NRCAM: variants seen among roughly 807,000 people sequenced by gnomAD.
The protein encoded by NRCAM is NgCAM-related cell adhesion molecule.
NRCAM carries 83 observed loss-of-function variants against 156.5 expected under a neutral mutation model. That is an observed-to-expected ratio of 0.53 (90% CI 0.44 to 0.64). The LOEUF (loss-of-function observed/expected upper bound fraction) is 0.64. Among genes scored for constraint, NRCAM ranks in the 30% least tolerant of loss-of-function variants. NRCAM has a pLI of 0.00. For missense variants in NRCAM, 1,417 were observed against 1,597.3 expected, an observed-to-expected ratio of 0.89 and a Z score of 1.92; for synonymous variants, 538 against 563.9, an observed-to-expected ratio of 0.95 and a Z score of 0.65.
chr7:108,343,102 G>A (rs974562645), intron 2 of NRCAM, among the ~76,000 whole-genome samples: 5 of 152,280 alleles, frequency 3.3e-5, no homozygotes, highest in South Asian at 2.1e-4. Flanking sequence ...AAGTTCCTTC[G>A]TAGAAAAAGG....
intron 32 of NRCAM, among the ~76,000 whole-genome samples, chr7:108,151,682 C>T (rs2041736182): frequency 6.6e-6 from 1 of 152,126 alleles, no homozygotes; most frequent in Non-Finnish European, 1.5e-5. Context: ...TTGGGGTGGT[C>T]TGTGTTTGTG....
chr7:108,231,370 TCA>T (rs955140044), intron 7 of NRCAM, among the ~76,000 whole-genome samples: 2 of 152,284 alleles, frequency 1.3e-5, no homozygotes, highest in African/African-American at 4.8e-5. Context: ...GTATAAATTC[TCA>T]GTCAGTGATT....
At chr7:108,287,627 C>G (rs1234866714) in intron 3 of NRCAM, among the ~76,000 whole-genome samples, 2 of 148,274 alleles carry the variant, frequency 1.3e-5, no homozygotes, top group Non-Finnish European at 1.5e-5. Flanking sequence ...CCATTTGTGT[C>G]ATGACAATAA....
chr7:108,347,222 G>C (rs779166839), intron 2 of NRCAM, among the ~76,000 whole-genome samples: 1 of 151,954 alleles, frequency 6.6e-6, no homozygotes, highest in South Asian at 2.1e-4. Flanking sequence ...TATTTTTATA[G>C]AGATGGGATT....
intron 11 of NRCAM, among the ~76,000 whole-genome samples, chr7:108,212,050 C>T (rs546793521): frequency 2.6e-4 from 40 of 152,252 alleles, no homozygotes; most frequent in Admixed American, 5.9e-4. Flanking sequence ...GTGGAGAGGC[C>T]GATGGTTCAC....
intron 1 of NRCAM, among the ~76,000 whole-genome samples, chr7:108,440,548 C>A (rs1837381394): frequency 6.6e-6 from 1 of 152,178 alleles, no homozygotes; most frequent in South Asian, 2.1e-4. Context: ...TTGGGTTTTA[C>A]TCCTCTGTCA....
chr7:108,390,201 T>C (rs1330716743), intron 2 of NRCAM, among the ~76,000 whole-genome samples: 2 of 152,204 alleles, frequency 1.3e-5, no homozygotes, highest in Non-Finnish European at 2.9e-5. Context: ...TTTTGGTTGG[T>C]AGGCTATTAA....
chr7:108,400,998 G>A (rs572232419), intron 1 of NRCAM, among the ~76,000 whole-genome samples: 5 of 152,056 alleles, frequency 3.3e-5, no homozygotes, highest in South Asian at 4.2e-4. Context: ...AGTGGCTCAC[G>A]CCTGTAATCC....
intron 13 of NRCAM, among the ~76,000 whole-genome samples, chr7:108,199,255 T>G (rs566287104): frequency 4.1e-4 from 62 of 152,242 alleles, no homozygotes; most frequent in Non-Finnish European, 6.9e-4. Context: ...AAAAAAAAAT[T>G]TGTTTCATCT....
At chr7:108,300,464 A>C (rs2098581416) in intron 3 of NRCAM, among the ~76,000 whole-genome samples, 1 of 152,142 alleles carries the variant, frequency 6.6e-6, no homozygotes, top group South Asian at 2.1e-4. Context: ...TACACAAACA[A>C]ACAGAGAAGC....
intron 13 of NRCAM, among the ~76,000 whole-genome samples, chr7:108,199,514 A>T (rs758368544): frequency 2.0e-5 from 3 of 152,188 alleles, no homozygotes; most frequent in Non-Finnish European, 4.4e-5. Context: ...CGCTTTCTGA[A>T]GGTTCTAGGG....
At chr7:108,264,441 G>A (rs1563013047) in intron 3 of NRCAM, among the ~76,000 whole-genome samples, 3 of 152,264 alleles carry the variant, frequency 2.0e-5, no homozygotes, top group South Asian at 4.2e-4. Context: ...TGGGACTATG[G>A]GGAAATCACA....
intron 32 of NRCAM, 55 bp downstream of exon 32, chr7:108,159,408 C>T (rs1303531389): frequency 3.5e-5 from 52 of 1,468,526 alleles, no homozygotes; most frequent in East Asian, 4.5e-5. Flanking sequence ...GTTCTATTCT[C>T]GGGACTGTGT....
At chr7:108,167,154 CT>C (rs759027222) in intron 29 of NRCAM, 81 bp from the exon 30 acceptor site, 6 of 1,032,310 alleles carry the variant, frequency 5.8e-6, no homozygotes, top group Admixed American at 2.4e-5. Context: ...AAGGAAAATT[CT>C]TTATAAGCTA....
intron 2 of NRCAM, among the ~76,000 whole-genome samples, chr7:108,316,238 G>C (rs2098918592): frequency 6.6e-6 from 1 of 152,118 alleles, no homozygotes; most frequent in African/African-American, 2.4e-5. Context: ...TCTTCCTCTT[G>C]CTTTCATGTA....
chr7:108,161,888 T>A (rs1434115689), intron 30 of NRCAM, among the ~76,000 whole-genome samples: 1 of 146,632 alleles, frequency 6.8e-6, no homozygotes, highest in Non-Finnish European at 1.5e-5. Flanking sequence ...CCCTCGTGCC[T>A]TATTAGAGAA....
intron 25 of NRCAM, among the ~76,000 whole-genome samples, chr7:108,179,526 C>T (rs2062380847): frequency 6.6e-6 from 1 of 152,100 alleles, no homozygotes; most frequent in Admixed American, 6.5e-5. Context: ...ATTTTATTTC[C>T]TTTTCAAATC....
At chr7:108,365,842 T>C (rs748622775) in intron 2 of NRCAM, among the ~76,000 whole-genome samples, 4 of 152,190 alleles carry the variant, frequency 2.6e-5, no homozygotes, top group Non-Finnish European at 5.9e-5. Context: ...GGGCCCCAAA[T>C]TGTGCTTTTT....
chr7:108,180,416 C>G lies in NRCAM; in HGVS notation c.2658G>C (p.Trp886Cys). ...GHLQGYRIYY[W>C]KTQSSSKRNR... is the part of the protein sequence containing the mutation. ...TTCTTTTAGATGAACTCTGGGTCTT[C>G]CAATAGTAAATCTGAAACAGCAAGA... The change falls in exon 25 of 33, where the codon TGG (tryptophan) becomes TGC (cysteine). Residue 886 changes from tryptophan to cysteine, a missense_variant. Transcript: ENST00000379028. The G allele has an allele frequency of 6.2e-7, 1 of 1,613,952 alleles. No individual in the cohort carries two copies. The highest frequency in any genetic ancestry group is 1.1e-5 in the South Asian group (1 of 91,064).
Sources: gnomAD v4.1 joint callset for allele counts (sites outside exome capture counted in the v4.1 genomes callset) on GRCh38, gnomAD v4.1.1 for gene constraint, MANE v1.5 for transcripts, NCBI Gene and HGNC (gene_info 2026-07-23, HGNC 2026-07-21) for gene names.